Variants in C6 observed in about 807,000 individuals in gnomAD.
The protein encoded by C6 is complement C6, also known as complement component C6.
Under a neutral mutation model 112.9 loss-of-function variants are expected in C6, and 101 were observed. That is an observed-to-expected ratio of 0.89 (90% CI 0.76 to 1.06). The LOEUF is 1.06. C6 is among the 50% of genes least tolerant of loss of function. The pLI, the probability that C6 is intolerant of heterozygous loss-of-function variation, is 0.00. For missense variants in C6, 1,202 were observed against 1,104.6 expected (o/e 1.09, Z -1.25); for synonymous variants, 431 against 384.1 (o/e 1.12, Z -1.43).
At chr5:41,174,297 A>G (rs999584757) in intron 8 of C6, among the ~76,000 whole-genome samples, 1 of 152,176 alleles carries the variant, frequency 6.6e-6, no homozygotes, top group Non-Finnish European at 1.5e-5. Context: ...GCTACTTGAT[A>G]CTGCAGTACC....
intron 1 of C6, among the ~76,000 whole-genome samples, chr5:41,254,413 G>T (rs1308946406): frequency 6.6e-6 from 1 of 151,986 alleles, no homozygotes. Context: ...CTCAAAAAAA[G>T]AAAGAGAAAG....
intron 10 of C6, 50 bp from the exon 11 acceptor site, chr5:41,160,417 A>G: frequency 7.0e-7 from 1 of 1,426,368 alleles, no homozygotes; most frequent in South Asian, 1.1e-5. Context: ...CTTTGGTAAT[A>G]GGTTGCCATT....
chr5:41,171,642 T>C (rs1238758353), intron 9 of C6, among the ~76,000 whole-genome samples: 2 of 152,146 alleles, frequency 1.3e-5, no homozygotes, highest in African/African-American at 4.8e-5. Flanking sequence ...GTGGCTAAAA[T>C]TGGGAAGGAG....
At chr5:41,209,322 T>C (rs893952131) in intron 1 of C6, among the ~76,000 whole-genome samples, 1 of 152,096 alleles carries the variant, frequency 6.6e-6, no homozygotes, top group Non-Finnish European at 1.5e-5. Flanking sequence ...AGACAAGGAT[T>C]CCCTCTTTCA....
At position 41,220,948 on chromosome 5, in the gene C6, G is replaced by A. The variant is rs1739132155; in HGVS notation, c.-20-17698C>T. Among the ~76,000 whole-genome samples the A allele has an allele frequency of 4.6e-5, 7 of 151,718 alleles. No homozygotes were observed. In the South Asian group the frequency reaches 1.0e-3, roughly 23 times the overall value. On this transcript the variant is annotated intron_variant, in intron 1 of 17. Transcript: ENST00000263413. ...TATAAACAGATTTTTTAAAAAAAGA[G>A]CAAGCATCTAACATACATTCTTGGC...
intron 9 of C6, 124 bp downstream of exon 9, chr5:41,172,101 T>C: frequency 1.0e-6 from 1 of 997,426 alleles, no homozygotes; most frequent in Admixed American, 1.7e-5. Flanking sequence ...ACACACAGGG[T>C]TCTGAGGAAG....
intron 5 of C6, among the ~76,000 whole-genome samples, chr5:41,188,356 C>T (rs1316656321): frequency 6.6e-6 from 1 of 152,036 alleles, no homozygotes; most frequent in Non-Finnish European, 1.5e-5. Context: ...AATTACCTTC[C>T]TGATACACAA....
chr5:41,178,597 T>G (rs1266955391), intron 7 of C6, among the ~76,000 whole-genome samples: 1 of 148,396 alleles, frequency 6.7e-6, no homozygotes, highest in Admixed American at 6.7e-5. Context: ...TGCCTCAGCC[T>G]CCCGAGTAGC....
intron 1 of C6, among the ~76,000 whole-genome samples, chr5:41,203,939 T>C (rs1348292378): frequency 6.6e-6 from 1 of 152,282 alleles, no homozygotes; most frequent in South Asian, 2.1e-4. Context: ...AAGTACTGTG[T>C]TACTGCAGTA....
chr5:41,159,427 C>T (rs151157472), intron 11 of C6, 174 bp from the exon 12 acceptor site: 16,873 of 983,696 alleles, frequency 0.017, 165 homozygotes, highest in South Asian at 0.023. Flanking sequence ...GACACATTGC[C>T]TGATTTCCTT....
At chr5:41,167,901 A>G (rs977729922) in intron 9 of C6, among the ~76,000 whole-genome samples, 2 of 152,176 alleles carry the variant, frequency 1.3e-5, no homozygotes, top group African/African-American at 4.8e-5. Flanking sequence ...CATTGTAGGA[A>G]GGGAAGAAAT....
chr5:41,177,341 T>C (rs901433290), intron 7 of C6, among the ~76,000 whole-genome samples: 3 of 152,204 alleles, frequency 2.0e-5, no homozygotes. Context: ...CAGAAATATA[T>C]GAGTTTTTTT....
At chr5:41,248,788 A>G (rs377210748) in intron 1 of C6, among the ~76,000 whole-genome samples, 19 of 152,328 alleles carry the variant, frequency 1.2e-4, no homozygotes, top group South Asian at 2.1e-4. Context: ...CTCAAAACAG[A>G]ACTACCATTA....
chr5:41,156,027 G>C (rs1186414642), intron 13 of C6, among the ~76,000 whole-genome samples: 1 of 151,808 alleles, frequency 6.6e-6, no homozygotes, highest in African/African-American at 2.4e-5. Context: ...TGTTGCTGGG[G>C]GGTGGGGGTG....
At position 41,221,033 on chromosome 5, in the gene C6, T is replaced by TAA. The variant is rs11379591; in HGVS notation, c.-20-17785_-20-17784dup. The stretch of plus-strand genomic sequence containing the variant: ...TTTAAAACTAATATATTTATGTAGC[T>TAA]AAAAAAAAAAATAGAAACACAAGAC... On this transcript the variant is annotated intron_variant, in intron 1 of 17. Transcript: ENST00000263413. Among the ~76,000 whole-genome samples the TAA allele has an allele frequency of 1.4e-3, 206 of 148,920 alleles. 2 individuals carry two copies. Among genetic ancestry groups the TAA allele is most frequent in the African/African-American group, 4.0e-3 (164 of 40,866 alleles).
chr5:41,174,408 T>C (rs535263367), intron 8 of C6, among the ~76,000 whole-genome samples: 2 of 152,294 alleles, frequency 1.3e-5, no homozygotes, highest in African/African-American at 4.8e-5. Flanking sequence ...GGAGTGTTAG[T>C]TGAAAATTTC....
chr5:41,170,670 C>A (rs1056111059), intron 9 of C6, among the ~76,000 whole-genome samples: 2 of 151,950 alleles, frequency 1.3e-5, no homozygotes, highest in African/African-American at 4.8e-5. Context: ...GACCATCTAC[C>A]TGTTCTGATA....
chr5:41,168,952 C>A (rs1408582803), intron 9 of C6, among the ~76,000 whole-genome samples: 2 of 152,138 alleles, frequency 1.3e-5, no homozygotes, highest in South Asian at 2.1e-4. Flanking sequence ...AGTCTCAAGG[C>A]CCTCACATTT....
chr5:41,239,765 C>T (rs746346790), intron 1 of C6, among the ~76,000 whole-genome samples: 4 of 152,118 alleles, frequency 2.6e-5, no homozygotes, highest in Non-Finnish European at 5.9e-5. Context: ...GGGTGTTGGA[C>T]TCCCTGAAGC....
Sources: gnomAD v4.1 joint callset for allele counts (sites outside exome capture counted in the v4.1 genomes callset) on GRCh38, gnomAD v4.1.1 for gene constraint, MANE v1.5 for transcripts, NCBI Gene and HGNC (gene_info 2026-07-23, HGNC 2026-07-21) for gene names.